The following MDGA2 variants were observed in gnomAD, a reference collection of about 807,000 sequenced individuals.
The protein encoded by MDGA2 is MAM domain containing glycosylphosphatidylinositol anchor 2.
Under a neutral mutation model 117.8 loss-of-function variants are expected in MDGA2, and 40 were observed. The observed-to-expected ratio is 0.34, with a 90% CI of 0.26 to 0.44. The LOEUF (loss-of-function observed/expected upper bound fraction) is 0.44. Ranked by LOEUF, MDGA2 falls within the 20% of genes least tolerant of loss-of-function variation. The probability of loss-of-function intolerance (pLI) is 1.00; values close to 1 mark genes in which losing one functional copy is unlikely to be tolerated. For missense variants in MDGA2, 1,123 were observed against 1,250.6 expected (o/e 0.90, Z 1.54); for synonymous variants, 452 against 439.0 (o/e 1.03, Z -0.37).
At chr14:47,397,624 T>C (rs1250041532) in intron 1 of MDGA2, among the ~76,000 whole-genome samples, 1 of 152,194 alleles carries the variant, frequency 6.6e-6, no homozygotes, top group Non-Finnish European at 1.5e-5. Context: ...CATTTTCTTT[T>C]CTTTATAGAT....
chr14:47,135,600 C>A (rs534034933), intron 4 of MDGA2, among the ~76,000 whole-genome samples: 4 of 152,046 alleles, frequency 2.6e-5, no homozygotes, highest in African/African-American at 4.8e-5. Flanking sequence ...ATTTCTAATT[C>A]TCTTTTCTTT....
chr14:47,631,249 T>C (rs1186329700), intron 1 of MDGA2, among the ~76,000 whole-genome samples: 1 of 152,166 alleles, frequency 6.6e-6, no homozygotes, highest in East Asian at 1.9e-4. Context: ...AACCAGATGA[T>C]GACCTCATTT....
At chr14:46,920,917 T>A (rs1482461455) in intron 9 of MDGA2, among the ~76,000 whole-genome samples, 1 of 152,192 alleles carries the variant, frequency 6.6e-6, no homozygotes, top group Non-Finnish European at 1.5e-5. Flanking sequence ...TGGTCAATAT[T>A]TAGCTTATAT....
intron 3 of MDGA2, among the ~76,000 whole-genome samples, chr14:47,213,611 T>C (rs1566683805): frequency 1.1e-5 from 1 of 93,316 alleles, no homozygotes; most frequent in Admixed American, 1.3e-4. Flanking sequence ...ATCTACTTGA[T>C]TGTAAAATTT....
intron 2 of MDGA2, among the ~76,000 whole-genome samples, chr14:47,268,428 T>C (rs1888037658): frequency 6.6e-6 from 1 of 152,218 alleles, no homozygotes; most frequent in Middle Eastern, 3.4e-3. Context: ...TTTTGAAAAA[T>C]TTATTTTAAA....
intron 1 of MDGA2, among the ~76,000 whole-genome samples, chr14:47,471,271 CAG>C (rs1473458738): frequency 6.8e-6 from 1 of 147,464 alleles, no homozygotes; most frequent in African/African-American, 2.5e-5. Flanking sequence ...TTTTCACTGA[CAG>C]ACTCTGGATG....
chr14:47,400,753 CTTTTCTT>C (rs1892119696), intron 1 of MDGA2, among the ~76,000 whole-genome samples: 1 of 19,954 alleles, frequency 5.0e-5, no homozygotes, highest in Non-Finnish European at 1.1e-4. Context: ...CTTTTCTTTT[CTTTTCTT>C]TTTTTTTTTT....
intron 1 of MDGA2, among the ~76,000 whole-genome samples, chr14:47,336,341 C>T (rs10134522): frequency 0.63 from 95,271 of 151,448 alleles, 30,495 homozygotes; most frequent in East Asian, 0.89. Context: ...GAGATTAGCC[C>T]CAGCAAGTAC....
intron 5 of MDGA2, among the ~76,000 whole-genome samples, chr14:47,130,447 G>A (rs536513709): frequency 1.6e-4 from 24 of 152,046 alleles, no homozygotes; most frequent in Non-Finnish European, 3.1e-4. Context: ...AACCATAGGA[G>A]GGTCCCAATA....
At chr14:47,592,087 T>C (rs1896451978) in intron 1 of MDGA2, among the ~76,000 whole-genome samples, 1 of 152,032 alleles carries the variant, frequency 6.6e-6, no homozygotes. Context: ...AGTATTCCTA[T>C]AAACCAACAA....
At chr14:47,241,035 G>T (rs1300834278) in intron 2 of MDGA2, among the ~76,000 whole-genome samples, 1 of 151,866 alleles carries the variant, frequency 6.6e-6, no homozygotes, top group Non-Finnish European at 1.5e-5. Context: ...TATGTTTGTT[G>T]AAATCATTGA....
At chr14:47,481,898 T>G (rs1893961413) in intron 1 of MDGA2, among the ~76,000 whole-genome samples, 1 of 152,040 alleles carries the variant, frequency 6.6e-6, no homozygotes, top group Non-Finnish European at 1.5e-5. Context: ...GTCCTATATT[T>G]GAGTTACTAT....
chr14:47,390,208 CATTT>C (rs1390831161), intron 1 of MDGA2, among the ~76,000 whole-genome samples: 2 of 152,180 alleles, frequency 1.3e-5, no homozygotes, highest in Non-Finnish European at 2.9e-5. Flanking sequence ...TTTCTTAAAG[CATTT>C]ATTTAGAAAA....
chr14:47,187,599 C>T (rs1884957431), intron 3 of MDGA2, among the ~76,000 whole-genome samples: 2 of 152,030 alleles, frequency 1.3e-5, no homozygotes. Context: ...TTTATGAATA[C>T]ACCAAAATTT....
chr14:47,317,857 G>A (rs559095265), intron 1 of MDGA2, among the ~76,000 whole-genome samples: 3 of 152,020 alleles, frequency 2.0e-5, no homozygotes, highest in Non-Finnish European at 4.4e-5. Context: ...CCTGTGCCCA[G>A]CTGTCTACTT....
chr14:47,395,009 T>G (rs1891976663), intron 1 of MDGA2, among the ~76,000 whole-genome samples: 1 of 151,990 alleles, frequency 6.6e-6, no homozygotes, highest in African/African-American at 2.4e-5. Flanking sequence ...TTAAAAATTA[T>G]CTGGGAGTGG....
At chr14:47,515,700 G>A (rs1001577711) in intron 1 of MDGA2, among the ~76,000 whole-genome samples, 1 of 151,996 alleles carries the variant, frequency 6.6e-6, no homozygotes, top group Non-Finnish European at 1.5e-5. Flanking sequence ...TAAGTTATCA[G>A]GTACCACAAT....
intron 3 of MDGA2, among the ~76,000 whole-genome samples, chr14:47,162,452 G>T (rs1002550849): frequency 6.6e-6 from 1 of 152,034 alleles, no homozygotes; most frequent in Admixed American, 6.6e-5. Flanking sequence ...TTATTCTGCT[G>T]CCTTTTATCG....
chr14:47,439,028 G>A (rs1892950360), intron 1 of MDGA2, among the ~76,000 whole-genome samples: 1 of 152,088 alleles, frequency 6.6e-6, no homozygotes, highest in African/African-American at 2.4e-5. Context: ...CAAATAATCT[G>A]CAGAATTTAT....
Sources: gnomAD v4.1 joint callset for allele counts (sites outside exome capture counted in the v4.1 genomes callset) on GRCh38, gnomAD v4.1.1 for gene constraint, MANE v1.5 for transcripts, NCBI Gene and HGNC (gene_info 2026-07-23, HGNC 2026-07-21) for gene names.